Variants in AFF1 observed in about 807,000 individuals in gnomAD.
The protein encoded by AFF1 is ALF transcription elongation factor 1.
A neutral mutation model predicts 121.7 loss-of-function variants in AFF1; 48 were observed. That is an observed-to-expected ratio of 0.39 (90% confidence interval 0.31 to 0.50). The LOEUF is 0.50. AFF1 is among the 20% of genes least tolerant of loss of function. The probability of loss-of-function intolerance (pLI) is 0.76; values close to 1 mark genes in which losing one functional copy is unlikely to be tolerated. For missense variants in AFF1, 1,523 were observed against 1,511.7 expected (o/e 1.01, Z -0.12); for synonymous variants, 613 against 563.0 (o/e 1.09, Z -1.26).
chr4:87,065,906 G>A (rs1426036158), intron 4 of AFF1, among the ~76,000 whole-genome samples: 1 of 152,158 alleles, frequency 6.6e-6, no homozygotes, highest in Non-Finnish European at 1.5e-5. Context: ...TTTCTTGAGT[G>A]AGGAATAGTT....
intron 11 of AFF1, among the ~76,000 whole-genome samples, chr4:87,113,576 G>A: frequency 6.6e-6 from 1 of 152,182 alleles, no homozygotes; most frequent in Non-Finnish European, 1.5e-5. Context: ...TCGAATGTTT[G>A]ACTTTTAAAG....
rs776623203 is a variant in AFF1, at chr4:87,132,362, G to A, written c.3265G>A (p.Glu1089Lys). Residue 1089 changes from glutamate to lysine, a missense_variant, in exon 19 of 21, where the codon GAG becomes AAG. Physicochemically the swap from Glu to Lys is moderately conservative, Grantham distance 56. Transcript: ENST00000395146. Reference sequence around the variant, plus strand: ...TTCTCGTACTCTTAATAAACACTTCGAGAGTTCTTCCAAAGTCGCCCAGGC... The same window carrying A: ...TTCTCGTACTCTTAATAAACACTTCAAGAGTTCTTCCAAAGTCGCCCAGGC... ...KYSRTLNKHF[E>K]SSSKVAQAPS... 6.2e-6 allele frequency: 10 copies of A among 1,612,964 alleles called. No individual in the cohort carries two copies. The highest frequency in any genetic ancestry group is 4.4e-5 in the South Asian group (4 of 90,888).
chr4:87,050,120 A>G (rs1331810950), intron 4 of AFF1, among the ~76,000 whole-genome samples: 1 of 152,172 alleles, frequency 6.6e-6, no homozygotes, highest in Admixed American at 6.5e-5. Context: ...AAATGTGGAA[A>G]TTAGCCCCAG....
intron 8 of AFF1, among the ~76,000 whole-genome samples, chr4:87,105,249 A>C (rs1296959301): frequency 6.6e-6 from 1 of 152,080 alleles, no homozygotes; most frequent in African/African-American, 2.4e-5. Flanking sequence ...ATCCCTCCCC[A>C]TTTGTTTTGT....
At chr4:87,062,289 A>ATGG (rs1720860968) in intron 4 of AFF1, among the ~76,000 whole-genome samples, 1 of 152,188 alleles carries the variant, frequency 6.6e-6, no homozygotes, top group Non-Finnish European at 1.5e-5. Flanking sequence ...TGCCTCCAAG[A>ATGG]TGGTGTATCT....
intron 4 of AFF1, among the ~76,000 whole-genome samples, chr4:87,077,531 G>T (rs1722789334): frequency 6.6e-6 from 1 of 152,048 alleles, no homozygotes; most frequent in South Asian, 2.1e-4. Context: ...AATTTAAAAG[G>T]TTAAAAAAAG....
At chr4:87,087,894 G>A (rs958400858) in intron 5 of AFF1, among the ~76,000 whole-genome samples, 8 of 151,936 alleles carry the variant, frequency 5.3e-5, no homozygotes, top group Non-Finnish European at 1.2e-4. Flanking sequence ...ACATTATAAT[G>A]GTTCTGTGCC....
At chr4:87,103,216 G>A (rs1007130378) in intron 8 of AFF1, among the ~76,000 whole-genome samples, 2 of 151,986 alleles carry the variant, frequency 1.3e-5, no homozygotes, top group African/African-American at 2.4e-5. Flanking sequence ...TCCAATAATA[G>A]CATGCTAGTT....
intron 4 of AFF1, chr4:87,047,918 A>G (rs1730885545): frequency 3.2e-6 from 1 of 314,422 alleles, no homozygotes; most frequent in South Asian, 3.6e-5. Context: ...TCCAAAACCC[A>G]ATCAAGAGAG....
intron 2 of AFF1, chr4:87,007,165 G>C (rs1490619344): frequency 4.5e-6 from 6 of 1,345,824 alleles, no homozygotes; most frequent in Non-Finnish European, 5.7e-6. Context: ...CTGAAGTGCA[G>C]ATCGCCGCAG....
chr4:87,017,036 T>A (rs2149549253), intron 2 of AFF1, among the ~76,000 whole-genome samples: 1 of 151,854 alleles, frequency 6.6e-6, no homozygotes, highest in South Asian at 2.1e-4. Context: ...AATGTTGCTG[T>A]GAACATTTAC....
chr4:87,107,563 T>C (rs1230187817), intron 10 of AFF1, among the ~76,000 whole-genome samples: 1 of 152,228 alleles, frequency 6.6e-6, no homozygotes, highest in Non-Finnish European at 1.5e-5. Flanking sequence ...ACCATTTATA[T>C]TTAGTGGTCT....
chr4:86,979,817 A>T (rs989096506), intron 2 of AFF1, among the ~76,000 whole-genome samples: 1 of 151,066 alleles, frequency 6.6e-6, no homozygotes, highest in Non-Finnish European at 1.5e-5. Flanking sequence ...GCAAAATACT[A>T]TGACTGTATT....
intron 2 of AFF1, among the ~76,000 whole-genome samples, chr4:86,982,483 G>C (rs912983472): frequency 7.4e-6 from 1 of 135,706 alleles, no homozygotes; most frequent in Non-Finnish European, 1.5e-5. Context: ...AACCCCCAGA[G>C]TGACAGTATT....
chr4:87,053,106 T>C lies in AFF1; in HGVS notation c.1059+5512T>C, dbSNP rs184152634. ...TCAGAACTGAAAATAATTTGGGATT[T>C]GTGTTTATTTAGTAGGTATTTAAAA... is the stretch of plus-strand genomic sequence containing the variant. On this transcript the variant is annotated intron_variant, in intron 4 of 20. Coordinates refer to ENST00000395146, the MANE Select transcript of AFF1 (RefSeq NM_001166693.3). 1.4e-4 allele frequency among the ~76,000 whole-genome samples: 22 copies of C among 152,268 alleles called. 1 individual carries two copies. The highest frequency in any genetic ancestry group is 1.4e-3 in the Admixed American group (22 of 15,298).
intron 4 of AFF1, among the ~76,000 whole-genome samples, chr4:87,069,214 C>T (rs919115923): frequency 1.5e-4 from 23 of 151,648 alleles, no homozygotes; most frequent in African/African-American, 5.3e-4. Context: ...TTCCCATGTC[C>T]CCTCCCTCTG....
chr4:86,996,100 TG>T (rs1403482148), intron 2 of AFF1, among the ~76,000 whole-genome samples: 1 of 147,570 alleles, frequency 6.8e-6, no homozygotes, highest in African/African-American at 2.5e-5. Context: ...GGGAGGGAGG[TG>T]GGGGGGTCAG....
chr4:87,136,731 T>C lies in AFF1; in HGVS notation c.*1030T>C. ...CATGTTGTCCAGCCAACTCAGAGTT[T>C]CGTCAGTGAACAAGAAACATGAAAT... On this transcript the variant is annotated 3_prime_UTR_variant, in exon 21 of 21. Coordinates refer to ENST00000395146, the MANE Select transcript of AFF1 (RefSeq NM_001166693.3). The C allele has an allele frequency of 4.4e-6, 1 of 228,706 alleles. No individual in the cohort carries two copies. Among genetic ancestry groups the C allele is most frequent in the Non-Finnish European group, 8.7e-6 (1 of 115,240 alleles). The allele number at this position is 228,706 out of a possible 1,614,324, so 14.2% of individuals were successfully genotyped here.
intron 2 of AFF1, among the ~76,000 whole-genome samples, chr4:86,990,826 A>G (rs1356059086): frequency 6.6e-6 from 1 of 152,316 alleles, no homozygotes; most frequent in Non-Finnish European, 1.5e-5. Context: ...TTGTTCCCTC[A>G]GCTGTGATCT....
Sources: gnomAD v4.1 joint callset for allele counts (sites outside exome capture counted in the v4.1 genomes callset) on GRCh38, gnomAD v4.1.1 for gene constraint, MANE v1.5 for transcripts, NCBI Gene and HGNC (gene_info 2026-07-23, HGNC 2026-07-21) for gene names.